CKAP5: variants seen among roughly 807,000 people sequenced by gnomAD.
CKAP5 encodes the protein cytoskeleton associated protein 5.
In CKAP5, 27 loss-of-function variants were observed where a neutral mutation model predicts 232.8. The ratio of observed to expected loss-of-function variants is 0.12; its 90% confidence interval spans 0.09 to 0.16. CKAP5 has a LOEUF of 0.16. CKAP5 is among the 10% of genes least tolerant of loss of function. The probability of loss-of-function intolerance (pLI) is 1.00; values close to 1 mark genes in which losing one functional copy is unlikely to be tolerated. For synonymous variants in CKAP5, 785 were observed against 841.1 expected (o/e 0.93, Z 1.16); for missense variants, 1,838 against 2,424.7 (o/e 0.76, Z 5.08).
chr11:46,811,478 C>CT (rs200456270), intron 4 of CKAP5, among the ~76,000 whole-genome samples: 186 of 151,298 alleles, frequency 1.2e-3, no homozygotes, highest in Admixed American at 2.2e-3. Flanking sequence ...GTTTAATACC[C>CT]TTTTTTTTTC....
chr11:46,770,593 G>A (rs546353646), intron 25 of CKAP5, among the ~76,000 whole-genome samples, 195 bp downstream of exon 25: 19 of 152,238 alleles, frequency 1.2e-4, no homozygotes, highest in Admixed American at 3.3e-4. Context: ...CACCAAACCC[G>A]GCTAAATTTT....
At chr11:46,789,357 G>A (rs1406222560) in intron 15 of CKAP5, among the ~76,000 whole-genome samples, 3 of 152,138 alleles carry the variant, frequency 2.0e-5, no homozygotes, top group Admixed American at 2.0e-4. Context: ...TTTTTGAGAG[G>A]TTTTCATACC....
chr11:46,743,921 C>A lies in CKAP5; in HGVS notation c.*102G>T. 1 of 1,449,006 alleles carries A rather than the reference C, an allele frequency of 6.9e-7. No individual in the cohort carries two copies. The allele number at this position is 1,449,006 out of a possible 1,614,324, so 89.8% of individuals were successfully genotyped here. A position where few individuals can be genotyped will look rare whatever the true frequency, so the allele number is the denominator to read the frequency against. ...CCCTAGCTCCACGGCATGATACATA[C>A]AACCAGTTTGTATACACTAGGCCTG... On this transcript the variant is annotated 3_prime_UTR_variant, in exon 44 of 44. Coordinates refer to ENST00000529230, the MANE Select transcript of CKAP5 (RefSeq NM_001008938.4).
At position 46,797,423 on chromosome 11, in the gene CKAP5, G is replaced by A. The variant is rs187569776; in HGVS notation, c.1338+382C>T. ...AAAAAACAAAAATTTTTCGGGTTAAGGAAACCCTTGGTAATCCATTTAGCA... is the reference window on the plus strand; with the variant it reads ...AAAAAACAAAAATTTTTCGGGTTAAAGAAACCCTTGGTAATCCATTTAGCA... On this transcript the variant is annotated intron_variant, in intron 11 of 43. Transcript: ENST00000529230. Among the ~76,000 whole-genome samples, 61 of 151,714 alleles carry A rather than the reference G, an allele frequency of 4.0e-4. 1 individual carries two copies. In the East Asian group the frequency reaches 8.5e-3, roughly 21 times the overall value.
intron 1 of CKAP5, among the ~76,000 whole-genome samples, chr11:46,838,743 G>C (rs904629571): frequency 1.7e-5 from 2 of 114,956 alleles, no homozygotes; most frequent in Admixed American, 1.3e-4. Flanking sequence ...GCAGTAAGCA[G>C]AGATCAGGCC....
chr11:46,839,037 GA>G lies in CKAP5; in HGVS notation c.-38+7182del, dbSNP rs532774358. Among the ~76,000 whole-genome samples, 81 of 148,064 alleles carry G rather than the reference GA, an allele frequency of 5.5e-4. 1 individual carries two copies. The South Asian group carries it at 7.7e-3, about 14-fold the overall frequency. ...TTGAGTCACTGAGGTAACCTCAAAG[GA>G]AAAAAAAAATCTATGTTCTGCTTTC... On this transcript the variant is annotated intron_variant, in intron 1 of 43. Transcript: ENST00000529230.
In CKAP5 at chr11:46,792,155, C is replaced by A. The variant is rs866238011; in HGVS notation, c.1651-1572G>T. Among the ~76,000 whole-genome samples the A allele has an allele frequency of 2.4e-4, 36 of 152,302 alleles. No homozygotes were observed. The Middle Eastern group carries it at 0.01, about 43-fold the overall frequency. On this transcript the variant is annotated intron_variant, in intron 13 of 43. Transcript: ENST00000529230. The stretch of plus-strand genomic sequence containing the variant: ...ATTAACTAGGATACCTCTTCTGGAT[C>A]TTTCTCTGTAATAGCATTCTCTATA...
chr11:46,750,223 T>C, intron 42 of CKAP5, 51 bp downstream of exon 42: 2 of 1,566,236 alleles, frequency 1.3e-6, no homozygotes, highest in South Asian at 2.3e-5. Flanking sequence ...CAGGTTCCTG[T>C]GCTAGGAGCT....
chr11:46,760,432 A>G, intron 33 of CKAP5, 180 bp downstream of exon 33: 1 of 705,768 alleles, frequency 1.4e-6, no homozygotes, highest in Non-Finnish European at 2.5e-6. Flanking sequence ...TGGTTTTGAG[A>G]CAAAGACAAA....
intron 32 of CKAP5, 51 bp from the exon 33 acceptor site, chr11:46,760,835 A>G (rs1322453872): frequency 1.3e-6 from 2 of 1,496,246 alleles, no homozygotes; most frequent in East Asian, 2.3e-5. Context: ...AATAATATCT[A>G]TTTTCATATC....
At chr11:46,829,927 T>C (rs1202742698) in intron 1 of CKAP5, among the ~76,000 whole-genome samples, 3 of 150,968 alleles carry the variant, frequency 2.0e-5, no homozygotes, top group African/African-American at 7.3e-5. Context: ...AGGCTGATAA[T>C]GACCCCCAAA....
Position 46,771,081 on chromosome 11 carries a change from T to C in CKAP5, c.2992-99A>G. 4.1e-6 allele frequency: 4 copies of C among 973,162 alleles called. No homozygotes were observed. In the South Asian group the frequency reaches 7.3e-5, roughly 18 times the overall value. The allele number at this position is 973,162 out of a possible 1,614,324, so 60.3% of individuals were successfully genotyped here. A position where few individuals can be genotyped will look rare whatever the true frequency, so the allele number is the denominator to read the frequency against. On this transcript the variant is annotated intron_variant, in intron 24 of 43. Coordinates refer to ENST00000529230, the MANE Select transcript of CKAP5 (RefSeq NM_001008938.4). ...ATTTCATTAGTCTCAAGCACTGAAT[T>C]AGCTTTCACACTATAACTTTCCAAT...
At chr11:46,769,904 C>CT (rs2065233763) in intron 26 of CKAP5, 59 bp downstream of exon 26, 1 of 1,572,626 alleles carries the variant, frequency 6.4e-7, no homozygotes, top group South Asian at 1.1e-5. Flanking sequence ...GGCTGAATGT[C>CT]TTTTTAGAGT....
intron 1 of CKAP5, among the ~76,000 whole-genome samples, chr11:46,835,320 C>A (rs1307775858): frequency 2.0e-5 from 3 of 151,932 alleles, no homozygotes; most frequent in African/African-American, 7.3e-5. Flanking sequence ...ACCCCACTAG[C>A]AAGGAGCAGA....
At chr11:46,746,685 T>TCC (rs2065024726) in intron 42 of CKAP5, among the ~76,000 whole-genome samples, 1 of 152,228 alleles carries the variant, frequency 6.6e-6, no homozygotes, top group African/African-American at 2.4e-5. Flanking sequence ...GGACTGGAAG[T>TCC]TGCTCTGGGT....
Position 46,767,585 on chromosome 11 carries a change from G to C in CKAP5, c.3401C>G (p.Ser1134Cys), listed in dbSNP as rs758650796. The change falls in exon 27 of 44, where the codon TCT (serine) becomes TGT (cysteine). Residue 1134 changes from serine (S) to cysteine (C), a missense_variant. By Grantham distance (112) the Ser-to-Cys change is moderately radical (BLOSUM62 -1). Transcript: ENST00000529230. ...PKKAKAPGLS[S>C]KAKSAQGKKM... ...ACAGAGTTAACATACCTTTGCTTTA[G>C]AGGATAATCCTGGAGCTTTGGCCTT... 3.1e-6 allele frequency: 5 copies of C among 1,609,230 alleles called. No individual in the cohort carries two copies. The highest frequency in any genetic ancestry group is 1.7e-5 in the Admixed American group (1 of 59,940).
intron 9 of CKAP5, 90 bp downstream of exon 9, chr11:46,801,110 C>T: frequency 1.2e-6 from 1 of 824,104 alleles, no homozygotes; most frequent in Non-Finnish European, 2.1e-6. Context: ...CACATCTATG[C>T]CAAGGAGTTG....
chr11:46,810,430 T>C (rs1939248307), intron 5 of CKAP5, among the ~76,000 whole-genome samples: 1 of 152,110 alleles, frequency 6.6e-6, no homozygotes, highest in South Asian at 2.1e-4. Flanking sequence ...CCACCTAAGC[T>C]TCACGAGTAG....
intron 8 of CKAP5, among the ~76,000 whole-genome samples, chr11:46,806,501 TC>T (rs1939158891): frequency 6.6e-6 from 1 of 152,146 alleles, no homozygotes; most frequent in South Asian, 2.1e-4. Context: ...CTATTCCCCT[TC>T]CCATTCTTTC....
Sources: gnomAD v4.1 joint callset for allele counts (sites outside exome capture counted in the v4.1 genomes callset) on GRCh38, gnomAD v4.1.1 for gene constraint, MANE v1.5 for transcripts, NCBI Gene and HGNC (gene_info 2026-07-23, HGNC 2026-07-21) for gene names.